ATP2B2: variants seen among roughly 807,000 people sequenced by gnomAD.
ATP2B2 encodes the protein plasma membrane calcium-transporting ATPase 2.
A neutral mutation model predicts 120.0 loss-of-function variants in ATP2B2; 15 were observed. The observed-to-expected ratio is 0.12, with a 90% confidence interval of 0.08 to 0.19. ATP2B2 has a LOEUF of 0.19. Among genes scored for constraint, ATP2B2 ranks in the 10% least tolerant of loss-of-function variants. The pLI is 1.00. For missense variants in ATP2B2, 1,045 were observed against 1,719.8 expected (o/e 0.61, Z 6.94); for synonymous variants, 694 against 700.3 (o/e 0.99, Z 0.14).
chr3:10,701,154 T>A (rs539973907), intron 1 of ATP2B2, among the ~76,000 whole-genome samples: 1 of 152,298 alleles, frequency 6.6e-6, no homozygotes, highest in East Asian at 1.9e-4. Flanking sequence ...AGGCACTGAT[T>A]TGCTGAGAGA....
intron 2 of ATP2B2, among the ~76,000 whole-genome samples, chr3:10,615,111 A>G (rs1010625473): frequency 6.6e-6 from 1 of 152,150 alleles, no homozygotes; most frequent in Admixed American, 6.5e-5. Context: ...CCAGAGGTGA[A>G]GGCAGGAAGC....
At chr3:10,683,079 C>T (rs2071421238) in intron 1 of ATP2B2, among the ~76,000 whole-genome samples, 1 of 151,976 alleles carries the variant, frequency 6.6e-6, no homozygotes, top group Admixed American at 6.6e-5. Flanking sequence ...GTGTACTTCA[C>T]CTCCATTATC....
chr3:10,608,623 CT>C (rs2069146498), intron 2 of ATP2B2, among the ~76,000 whole-genome samples: 1 of 152,226 alleles, frequency 6.6e-6, no homozygotes, highest in Non-Finnish European at 1.5e-5. Flanking sequence ...TTTGCAGTCA[CT>C]CATAAGATTT....
intron 2 of ATP2B2, among the ~76,000 whole-genome samples, chr3:10,575,756 T>A (rs2068230517): frequency 6.6e-6 from 1 of 152,186 alleles, no homozygotes; most frequent in Non-Finnish European, 1.5e-5. Context: ...CTCTGGTGTC[T>A]GAGGGAAGTT....
At chr3:10,468,260 C>G (rs951113188) in intron 1 of ATP2B2, among the ~76,000 whole-genome samples, 1 of 152,258 alleles carries the variant, frequency 6.6e-6, no homozygotes, top group Non-Finnish European at 1.5e-5. Flanking sequence ...GTGGGGCTGA[C>G]AGGTGCGAGG....
chr3:10,619,755 G>C (rs2069495217), intron 2 of ATP2B2, among the ~76,000 whole-genome samples: 1 of 152,172 alleles, frequency 6.6e-6, no homozygotes, highest in Admixed American at 6.5e-5. Context: ...GGGCTAGGGA[G>C]GCTGAGTGTT....
chr3:10,476,669 C>T (rs1316936481), intron 1 of ATP2B2, among the ~76,000 whole-genome samples: 1 of 152,262 alleles, frequency 6.6e-6, no homozygotes, highest in Non-Finnish European at 1.5e-5. Flanking sequence ...GTGGATGGTG[C>T]TCTTTCCCAA....
chr3:10,498,482 T>C (rs915522001), intron 1 of ATP2B2, among the ~76,000 whole-genome samples: 1 of 152,238 alleles, frequency 6.6e-6, no homozygotes, highest in African/African-American at 2.4e-5. Context: ...GCACCCCAAA[T>C]GGCTGCCACA....
rs766526597 is a variant in ATP2B2, at chr3:10,410,699, C to T, written c.316G>A (p.Val106Met). ...GCAATCTCCAGGATGATGAGCGTCA[C>T]GTCCTGCAGCGCCTCCCACACGAGC... is the stretch of plus-strand genomic sequence containing the variant. ...LQLVWEALQD[V>M]TLIILEIAAI... Residue 106 changes from valine (V) to methionine (M), a missense_variant, in exon 3 of 23, where the codon GTG (valine) becomes ATG (methionine). Val to Met is a conservative substitution (Grantham distance 21, BLOSUM62 1). Coordinates refer to ENST00000360273, the MANE Select transcript of ATP2B2 (RefSeq NM_001001331.4). 5.6e-6 allele frequency: 9 copies of T among 1,614,072 alleles called. No individual in the cohort carries two copies. The highest frequency in any genetic ancestry group is 1.3e-5 in the African/African-American group (1 of 74,926).
intron 1 of ATP2B2, among the ~76,000 whole-genome samples, chr3:10,474,092 G>C (rs1443569286): frequency 1.3e-5 from 2 of 152,208 alleles, no homozygotes; most frequent in African/African-American, 4.8e-5. Context: ...TGCCTGCAGG[G>C]GCAGCAGTGG....
intron 11 of ATP2B2, among the ~76,000 whole-genome samples, chr3:10,374,436 GC>G (rs1192018078): frequency 6.6e-6 from 1 of 152,220 alleles, no homozygotes; most frequent in Non-Finnish European, 1.5e-5. Flanking sequence ...ACATCGGAGA[GC>G]CCAGCCCAAA....
At chr3:10,547,935 C>T (rs1217311235) in intron 2 of ATP2B2, among the ~76,000 whole-genome samples, 1 of 152,228 alleles carries the variant, frequency 6.6e-6, no homozygotes, top group Non-Finnish European at 1.5e-5. Flanking sequence ...ATGTGTGACA[C>T]CCCTTTCCAT....
chr3:10,629,551 C>T (rs957158213), intron 1 of ATP2B2, among the ~76,000 whole-genome samples: 7 of 152,178 alleles, frequency 4.6e-5, no homozygotes, highest in Non-Finnish European at 1.0e-4. Flanking sequence ...CGATCCTCAC[C>T]TGCCCTGTGG....
chr3:10,475,326 C>A (rs1315049071), intron 1 of ATP2B2, among the ~76,000 whole-genome samples: 1 of 152,210 alleles, frequency 6.6e-6, no homozygotes, highest in East Asian at 1.9e-4. Context: ...GGGGTCATGT[C>A]AGAGCTCCCC....
chr3:10,678,092 G>A (rs1358470961), intron 1 of ATP2B2, among the ~76,000 whole-genome samples: 1 of 152,202 alleles, frequency 6.6e-6, no homozygotes, highest in South Asian at 2.1e-4. Context: ...GCTCCCAGTT[G>A]CTACACTGCC....
chr3:10,389,126 C>T (rs1181782193), intron 5 of ATP2B2, among the ~76,000 whole-genome samples: 1 of 152,228 alleles, frequency 6.6e-6, no homozygotes, highest in African/African-American at 2.4e-5. Context: ...CTTTAGATTT[C>T]TCAAACTGGG....
At chr3:10,557,790 G>T (rs376497472) in intron 2 of ATP2B2, among the ~76,000 whole-genome samples, 1 of 152,116 alleles carries the variant, frequency 6.6e-6, no homozygotes, top group African/African-American at 2.4e-5. Context: ...ACTCCAGTCC[G>T]TGTGAGCCTG....
At chr3:10,469,956 C>T (rs546302647) in intron 1 of ATP2B2, among the ~76,000 whole-genome samples, 1 of 152,156 alleles carries the variant, frequency 6.6e-6, no homozygotes, top group South Asian at 2.1e-4. Context: ...ATTTCAGGAG[C>T]CCAGACCCAG....
At chr3:10,505,746 G>A (rs1362503549), upstream of ATP2B2, 4 of 122,026 alleles carry the variant, frequency 3.3e-5, no homozygotes, top group African/African-American at 1.2e-4. Context: ...GGGAGGGAGG[G>A]ACACAGGGAG....
Sources: gnomAD v4.1 joint callset for allele counts (sites outside exome capture counted in the v4.1 genomes callset) on GRCh38, gnomAD v4.1.1 for gene constraint, MANE v1.5 for transcripts, NCBI Gene and HGNC (gene_info 2026-07-23, HGNC 2026-07-21) for gene names.